Variants in SELENOF observed in about 807,000 individuals in gnomAD.
The protein encoded by SELENOF is 15 kDa selenoprotein.
In SELENOF, 16 loss-of-function variants were observed where a neutral mutation model predicts 20.5. The observed-to-expected ratio is 0.78, with a 90% CI of 0.53 to 1.19. The LOEUF (loss-of-function observed/expected upper bound fraction) is 1.19, where lower values mean the gene tolerates loss of function less well. Ranked by LOEUF, SELENOF falls within the 50% of genes most tolerant of loss-of-function variation. The probability of loss-of-function intolerance (pLI) is 0.00; values close to 1 mark genes in which losing one functional copy is unlikely to be tolerated. For synonymous variants in SELENOF, 78 were observed against 74.5 expected, an observed-to-expected ratio of 1.05 and a Z score of -0.24; for missense variants, 215 against 194.2, an observed-to-expected ratio of 1.11 and a Z score of -0.64.
intron 3 of SELENOF, among the ~76,000 whole-genome samples, chr1:86,878,139 A>G (rs770148380): frequency 1.3e-5 from 2 of 152,228 alleles, no homozygotes; most frequent in Admixed American, 1.3e-4. Flanking sequence ...TTTAGAAGGC[A>G]TATTTGGAAT....
chr1:86,869,761 C>CT (rs962983621), intron 3 of SELENOF, among the ~76,000 whole-genome samples: 22 of 147,056 alleles, frequency 1.5e-4, no homozygotes, highest in African/African-American at 5.5e-4. Context: ...TTCTTTCTTT[C>CT]TTTTTTTGAG....
At chr1:86,898,776 G>T (rs1199902716) in intron 2 of SELENOF, among the ~76,000 whole-genome samples, 38 of 145,786 alleles carry the variant, frequency 2.6e-4, no homozygotes, top group African/African-American at 9.0e-4. Flanking sequence ...TTGTTTGTTT[G>T]TTTTTTTTAA....
intron 2 of SELENOF, among the ~76,000 whole-genome samples, chr1:86,886,928 T>C (rs1332959992): frequency 6.6e-6 from 1 of 152,142 alleles, no homozygotes; most frequent in Non-Finnish European, 1.5e-5. Context: ...GAGTCACTTT[T>C]CCAAACACTA....
intron 2 of SELENOF, among the ~76,000 whole-genome samples, chr1:86,895,673 C>A (rs193235037): frequency 1.3e-5 from 2 of 152,072 alleles, no homozygotes; most frequent in East Asian, 3.9e-4. Context: ...CAAAACTGAA[C>A]AATAAATTAG....
intron 4 of SELENOF, among the ~76,000 whole-genome samples, chr1:86,867,450 C>T (rs1434603873): frequency 1.3e-5 from 2 of 151,928 alleles, no homozygotes; most frequent in Non-Finnish European, 2.9e-5. Flanking sequence ...CAAGATGGTG[C>T]CACTGCACTC....
intron 3 of SELENOF, among the ~76,000 whole-genome samples, chr1:86,878,690 A>C (rs1658986831): frequency 6.6e-6 from 1 of 152,176 alleles, no homozygotes; most frequent in African/African-American, 2.4e-5. Context: ...AAAAAAAAAG[A>C]GAGAAAAGAA....
At chr1:86,871,260 GATA>G (rs1464957260) in intron 3 of SELENOF, among the ~76,000 whole-genome samples, 3 of 152,126 alleles carry the variant, frequency 2.0e-5, no homozygotes, top group Admixed American at 6.5e-5. Context: ...AAGATAAGGT[GATA>G]ATAAAAACAA....
intron 2 of SELENOF, among the ~76,000 whole-genome samples, chr1:86,898,817 G>A (rs1186993539): frequency 6.7e-6 from 1 of 149,374 alleles, no homozygotes. Context: ...GATCATTCTT[G>A]GGTGTTTCTC....
chr1:86,868,174 A>G, intron 3 of SELENOF, 72 bp from the exon 4 acceptor site: 1 of 735,242 alleles, frequency 1.4e-6, no homozygotes, highest in Non-Finnish European at 2.3e-6. Flanking sequence ...TTAATATAAA[A>G]GTGGAAATAA....
chr1:86,868,097 CA>C lies in SELENOF; in HGVS notation c.321del (p.Phe107LeufsTer?). The C allele has an allele frequency of 1.3e-6, 2 of 1,499,376 alleles. No homozygotes were observed. The highest frequency in any genetic ancestry group is 1.9e-5 in the Admixed American group (1 of 51,338). The allele number at this position is 1,499,376 out of a possible 1,614,324, so 92.9% of individuals were successfully genotyped here. A position where few individuals can be genotyped will look rare whatever the true frequency, so the allele number is the denominator to read the frequency against. ...AACAGTTTGGGTTTATCACTCCTAA[CA>C]AAAGCTTATAAAAAAAGAAAAAAAG... ...KLGRFPQVQA[F>X]VRSDKPKLFR... On this transcript the variant is annotated frameshift_variant, in exon 4 of 5. Transcript: ENST00000331835. LOFTEE classifies it high-confidence loss of function.
intron 3 of SELENOF, among the ~76,000 whole-genome samples, chr1:86,868,712 G>A (rs889693163): frequency 2.6e-5 from 4 of 151,750 alleles, no homozygotes; most frequent in African/African-American, 7.3e-5. Context: ...AAAAGGAGAG[G>A]TTAAAAATAC....
intron 2 of SELENOF, among the ~76,000 whole-genome samples, chr1:86,891,547 G>C (rs1352525163): frequency 6.6e-6 from 1 of 152,072 alleles, no homozygotes; most frequent in Non-Finnish European, 1.5e-5. Context: ...CTGCAAATGT[G>C]GCAGAAAGTT....
chr1:86,903,823 G>A (rs565788856), intron 1 of SELENOF, among the ~76,000 whole-genome samples: 89 of 152,120 alleles, frequency 5.9e-4, no homozygotes, highest in Non-Finnish European at 1.0e-3. Context: ...CTCGTGATCC[G>A]CCCACCTTGG....
chr1:86,899,832 G>A (rs1387899172), intron 2 of SELENOF, among the ~76,000 whole-genome samples: 1 of 149,124 alleles, frequency 6.7e-6, no homozygotes, highest in Non-Finnish European at 1.5e-5. Flanking sequence ...CTTCTCAGAC[G>A]GGGCGGTTGC....
chr1:86,871,003 T>C (rs1353082835), intron 3 of SELENOF, among the ~76,000 whole-genome samples: 1 of 152,188 alleles, frequency 6.6e-6, no homozygotes, highest in Non-Finnish European at 1.5e-5. Flanking sequence ...AATTACTATT[T>C]TTCATCAGTT....
At chr1:86,877,992 C>G (rs1363485633) in intron 3 of SELENOF, among the ~76,000 whole-genome samples, 1 of 151,910 alleles carries the variant, frequency 6.6e-6, no homozygotes, top group Non-Finnish European at 1.5e-5. Context: ...ACACAGAAGA[C>G]TCAAGCGAGA....
At position 86,898,577 on chromosome 1, in the gene SELENOF, CTTCT is replaced by C. The variant is rs1176809679; in HGVS notation, c.252+4700_252+4703del. ...TCTATATAAACTCTGACTTTCTCTT[CTTCT>C]TTTTTTTTTTTTTTTTTTGAGACAG... is the stretch of plus-strand genomic sequence containing the variant. On this transcript the variant is annotated intron_variant, in intron 2 of 4. Transcript: ENST00000331835. 3.6e-3 allele frequency among the ~76,000 whole-genome samples: 513 copies of C among 141,376 alleles called. 3 individuals carry two copies. The highest frequency in any genetic ancestry group is 0.013 in the African/African-American group (486 of 36,226). 92.7% of individuals were successfully genotyped at this position (141,376 alleles called of 152,430 possible). A position where few individuals can be genotyped will look rare whatever the true frequency, so the allele number is the denominator to read the frequency against.
chr1:86,883,301 G>A (rs1444028930), intron 2 of SELENOF, among the ~76,000 whole-genome samples: 1 of 152,156 alleles, frequency 6.6e-6, no homozygotes, highest in Non-Finnish European at 1.5e-5. Flanking sequence ...AAGGAATAGG[G>A]AGTTATTGTT....
At chr1:86,880,367 C>T (rs959238273) in intron 3 of SELENOF, among the ~76,000 whole-genome samples, 1 of 152,094 alleles carries the variant, frequency 6.6e-6, no homozygotes, top group African/African-American at 2.4e-5. Flanking sequence ...AACTCCTGAC[C>T]TCGTGATCCA....
Sources: gnomAD v4.1 joint callset for allele counts (sites outside exome capture counted in the v4.1 genomes callset) on GRCh38, gnomAD v4.1.1 for gene constraint, MANE v1.5 for transcripts, NCBI Gene and HGNC (gene_info 2026-07-23, HGNC 2026-07-21) for gene names.